Variants in SAMHD1 observed in about 807,000 individuals in gnomAD.
SAMHD1 encodes deoxynucleoside triphosphate triphosphohydrolase SAMHD1.
Under a neutral mutation model 79.6 loss-of-function variants are expected in SAMHD1, and 54 were observed. The ratio of observed to expected loss-of-function variants is 0.68; its 90% CI spans 0.55 to 0.85. The LOEUF is 0.85. Ranked by LOEUF, SAMHD1 falls within the 40% of genes least tolerant of loss-of-function variation. The pLI is 0.00. For synonymous variants in SAMHD1, 260 were observed against 264.1 expected, an observed-to-expected ratio of 0.98 and a Z score of 0.15; for missense variants, 663 against 782.7, an observed-to-expected ratio of 0.85 and a Z score of 1.82.
chr20:36,935,499 A>T, intron 3 of SAMHD1: 1 of 374,468 alleles, frequency 2.7e-6, no homozygotes, highest in Non-Finnish European at 5.0e-6. Context: ...CAAGTTAAAC[A>T]TGCATATTCA....
In SAMHD1 at chr20:36,946,810, G is replaced by A. The variant is rs974608302; in HGVS notation, c.209-6C>T. ...TGCGCCTGTGATTTCATTTTCTATG[G>A]AAGAAAAAAGACAAATTCAATGTAT... On this transcript the variant is annotated splice_region_variant and splice_polypyrimidine_tract_variant and intron_variant, in intron 1 of 15. Transcript: ENST00000646673. 6.2e-7 allele frequency: 1 copy of A among 1,605,838 alleles called. No homozygotes were observed. Among genetic ancestry groups the A allele is most frequent in the Admixed American group, 1.7e-5 (1 of 59,568 alleles).
chr20:36,899,957 G>T (rs2148356988), intron 13 of SAMHD1, among the ~76,000 whole-genome samples: 1 of 152,094 alleles, frequency 6.6e-6, no homozygotes, highest in South Asian at 2.1e-4. Context: ...AGCCAGATGT[G>T]GTGGCAGGCG....
chr20:36,913,955 T>C (rs2148367086), intron 9 of SAMHD1, among the ~76,000 whole-genome samples: 1 of 152,116 alleles, frequency 6.6e-6, no homozygotes, highest in South Asian at 2.1e-4. Context: ...GGTTTCACTA[T>C]GTTGGCCAGG....
chr20:36,899,477 C>T (rs1289631663), intron 13 of SAMHD1, among the ~76,000 whole-genome samples: 1 of 151,986 alleles, frequency 6.6e-6, no homozygotes, highest in Non-Finnish European at 1.5e-5. Context: ...CCAGGCAGCC[C>T]TAGATTGAAA....
At chr20:36,933,518 G>A (rs1423528027) in intron 4 of SAMHD1, among the ~76,000 whole-genome samples, 1 of 151,954 alleles carries the variant, frequency 6.6e-6, no homozygotes, top group Non-Finnish European at 1.5e-5. Flanking sequence ...TTTATTTTGA[G>A]ACTGATTCTC....
chr20:36,951,347 G>C, intron 1 of SAMHD1, 89 bp downstream of exon 1: 4 of 1,572,154 alleles, frequency 2.5e-6, no homozygotes, highest in Non-Finnish European at 3.5e-6. Flanking sequence ...CCTCGGCCTC[G>C]GTCCTCTCGT....
At chr20:36,949,314 G>A (rs551539957) in intron 1 of SAMHD1, among the ~76,000 whole-genome samples, 40 of 151,204 alleles carry the variant, frequency 2.6e-4, no homozygotes, top group African/African-American at 9.7e-4. Flanking sequence ...TCAAACAGAG[G>A]CCCAAGAACC....
chr20:36,948,816 G>C (rs534774023), intron 1 of SAMHD1, among the ~76,000 whole-genome samples: 1 of 145,992 alleles, frequency 6.8e-6, no homozygotes, highest in East Asian at 2.0e-4. Flanking sequence ...ACAGTGAGCC[G>C]AGATCACACC....
intron 13 of SAMHD1, among the ~76,000 whole-genome samples, chr20:36,898,910 C>CAAAAAAAAAAAAA (rs57902699): frequency 1.3e-4 from 9 of 69,398 alleles, no homozygotes; most frequent in Admixed American, 1.8e-4. Context: ...GACTCTGACT[C>CAAAAAAAAAAAAA]AAAAAAAAAA....
chr20:36,932,547 A>C (rs1271226654), intron 4 of SAMHD1, among the ~76,000 whole-genome samples: 1 of 145,502 alleles, frequency 6.9e-6, no homozygotes, highest in African/African-American at 2.6e-5. Context: ...CCTCAGGAGT[A>C]GCTGGGATTA....
chr20:36,916,682 G>T, intron 9 of SAMHD1, 40 bp downstream of exon 9: 1 of 1,390,972 alleles, frequency 7.2e-7, no homozygotes, highest in Non-Finnish European at 1.0e-6. Context: ...TTCAGACCAG[G>T]AACAACATTC....
chr20:36,926,597 A>AG (rs1568774469), intron 6 of SAMHD1, among the ~76,000 whole-genome samples: 2 of 150,190 alleles, frequency 1.3e-5, no homozygotes, highest in Non-Finnish European at 2.9e-5. Context: ...AGAGAGAGAG[A>AG]AAAAAAAAGT....
rs142393072 is a variant in SAMHD1 at position 36,905,381 on chromosome 20, G to T, written c.1393C>A (p.Gln465Lys). ...KYVGETQPTG[Q>K]IKIKREDYES... ...TAACTCACCCTTTTAATCTTTATTT[G>T]TCCTGTTGGCTGCGTCTCACCCACA... The change falls in exon 12 of 16, where the codon CAA becomes AAA. Residue 465 changes from glutamine to lysine, a missense_variant. Physicochemically the swap from Gln to Lys is moderately conservative, Grantham distance 53. Coordinates refer to ENST00000646673, the MANE Select transcript of SAMHD1 (RefSeq NM_015474.4). 339 of 1,613,978 alleles carry T rather than the reference G, an allele frequency of 2.1e-4. 1 individual carries two copies. The highest frequency in any genetic ancestry group is 2.8e-4 in the Non-Finnish European group (328 of 1,179,958).
At chr20:36,950,518 G>C (rs901912976) in intron 1 of SAMHD1, among the ~76,000 whole-genome samples, 1 of 152,054 alleles carries the variant, frequency 6.6e-6, no homozygotes, top group African/African-American at 2.4e-5. Flanking sequence ...GACACCTAGA[G>C]GATATAAGGC....
At chr20:36,931,822 TAAAAATAAAAAATA>T (rs755365883) in intron 4 of SAMHD1, among the ~76,000 whole-genome samples, 1 of 151,532 alleles carries the variant, frequency 6.6e-6, no homozygotes. Context: ...AAAAATAATT[TAAAAATAAAAAATA>T]AAAAATAAAA....
chr20:36,937,782 C>T (rs556846983), intron 3 of SAMHD1, among the ~76,000 whole-genome samples: 6 of 151,592 alleles, frequency 4.0e-5, no homozygotes, highest in South Asian at 4.2e-4. Flanking sequence ...ATTACTAAGC[C>T]GTGATTCAGT....
intron 15 of SAMHD1, among the ~76,000 whole-genome samples, chr20:36,894,883 C>CT (rs1568757858): frequency 6.6e-6 from 1 of 151,768 alleles, no homozygotes; most frequent in African/African-American, 2.4e-5. Flanking sequence ...TTCTTTCTTT[C>CT]TTTTTTTGAG....
chr20:36,900,168 A>G (rs1990275942), intron 13 of SAMHD1, among the ~76,000 whole-genome samples: 1 of 152,210 alleles, frequency 6.6e-6, no homozygotes, highest in Admixed American at 6.5e-5. Context: ...ATGTTAAAGA[A>G]AAGAAAATTA....
chr20:36,929,214 T>A (rs567595953), intron 5 of SAMHD1, among the ~76,000 whole-genome samples: 2 of 152,174 alleles, frequency 1.3e-5, no homozygotes, highest in East Asian at 3.9e-4. Flanking sequence ...TGATTCTCCC[T>A]CAAAATACCA....
Sources: gnomAD v4.1 joint callset for allele counts (sites outside exome capture counted in the v4.1 genomes callset) on GRCh38, gnomAD v4.1.1 for gene constraint, MANE v1.5 for transcripts, NCBI Gene and HGNC (gene_info 2026-07-23, HGNC 2026-07-21) for gene names.